Variants in PRKCE observed in about 807,000 individuals in gnomAD.
PRKCE encodes protein kinase C epsilon.
Under a neutral mutation model 85.4 loss-of-function variants are expected in PRKCE, and 16 were observed. That is an observed-to-expected ratio of 0.19 (90% CI 0.13 to 0.28). The LOEUF is 0.28. Ranked by LOEUF, PRKCE falls within the 10% of genes least tolerant of loss-of-function variation. The pLI, the probability that PRKCE is intolerant of heterozygous loss-of-function variation, is 1.00. For synonymous variants in PRKCE, 388 were observed against 371.5 expected, an observed-to-expected ratio of 1.04 and a Z score of -0.51; for missense variants, 573 against 975.2, an observed-to-expected ratio of 0.59 and a Z score of 5.49.
chr2:46,085,995 G>A (rs61758304), intron 10 of PRKCE, among the ~76,000 whole-genome samples: 3,658 of 152,138 alleles, frequency 0.024, 77 homozygotes, highest in Non-Finnish European at 0.035. Context: ...CACCGAAGGC[G>A]GACAGAGAAA....
intron 1 of PRKCE, among the ~76,000 whole-genome samples, chr2:45,827,080 G>C (rs1403847469): frequency 6.6e-6 from 1 of 152,202 alleles, no homozygotes; most frequent in Non-Finnish European, 1.5e-5. Flanking sequence ...CAAAGCCAAA[G>C]CACGTGCCAG....
intron 2 of PRKCE, among the ~76,000 whole-genome samples, chr2:45,926,265 G>T (rs1698607332): frequency 6.6e-6 from 1 of 152,228 alleles, no homozygotes; most frequent in Non-Finnish European, 1.5e-5. Context: ...CAGGGCCATG[G>T]CAAGAGGAAT....
intron 1 of PRKCE, among the ~76,000 whole-genome samples, chr2:45,679,984 G>T (rs1446330835): frequency 1.3e-5 from 2 of 152,214 alleles, no homozygotes; most frequent in Admixed American, 1.3e-4. Flanking sequence ...TCTGGGAAGA[G>T]ATTTAGCACA....
At chr2:45,827,470 T>C (rs571804180) in intron 1 of PRKCE, among the ~76,000 whole-genome samples, 2 of 152,226 alleles carry the variant, frequency 1.3e-5, no homozygotes, top group Non-Finnish European at 2.9e-5. Flanking sequence ...TCTCATTTGT[T>C]GTCCAGCTGT....
intron 1 of PRKCE, among the ~76,000 whole-genome samples, chr2:45,778,759 A>G (rs1391736683): frequency 6.6e-6 from 1 of 152,170 alleles, no homozygotes; most frequent in Non-Finnish European, 1.5e-5. Flanking sequence ...CTCTATTTGC[A>G]TAACAGCAGG....
At chr2:45,717,119 A>C (rs1388123798) in intron 1 of PRKCE, among the ~76,000 whole-genome samples, 1 of 152,202 alleles carries the variant, frequency 6.6e-6, no homozygotes, top group East Asian at 1.9e-4. Context: ...AACCTGTCCA[A>C]GGTCCCTAAG....
At chr2:46,079,981 G>C (rs564393846) in intron 10 of PRKCE, among the ~76,000 whole-genome samples, 2 of 152,130 alleles carry the variant, frequency 1.3e-5, no homozygotes, top group African/African-American at 2.4e-5. Flanking sequence ...TCACAAGACC[G>C]TAACTTTTTA....
intron 2 of PRKCE, among the ~76,000 whole-genome samples, chr2:45,855,627 C>G (rs1352250310): frequency 6.6e-6 from 1 of 152,188 alleles, no homozygotes; most frequent in Non-Finnish European, 1.5e-5. Flanking sequence ...AAGCCCTTGA[C>G]TTTAGGGGAA....
At chr2:45,833,138 C>CAAAAAAAAAAA (rs35838849) in intron 1 of PRKCE, among the ~76,000 whole-genome samples, 1 of 120,188 alleles carries the variant, frequency 8.3e-6, no homozygotes, top group Admixed American at 8.2e-5. Context: ...GGCAACATGG[C>CAAAAAAAAAAA]AAAAAAAAAA....
intron 1 of PRKCE, among the ~76,000 whole-genome samples, chr2:45,829,019 T>C (rs1472673591): frequency 7.4e-5 from 1 of 13,540 alleles, no homozygotes; most frequent in African/African-American, 4.1e-4. Flanking sequence ...TACATATAAT[T>C]CAACAAGTTT....
chr2:45,678,973 A>G (rs17033982), intron 1 of PRKCE, among the ~76,000 whole-genome samples: 5,572 of 152,244 alleles, frequency 0.037, 347 homozygotes, highest in African/African-American at 0.13. Flanking sequence ...TGGTCACGCA[A>G]AAGAAAGGCT....
chr2:45,938,500 G>T (rs535065607), intron 2 of PRKCE, among the ~76,000 whole-genome samples: 1 of 152,162 alleles, frequency 6.6e-6, no homozygotes, highest in Non-Finnish European at 1.5e-5. Flanking sequence ...CCTTGTGTCT[G>T]TGATTGACCT....
chr2:45,859,723 C>G (rs909491222), intron 2 of PRKCE, among the ~76,000 whole-genome samples: 15 of 152,104 alleles, frequency 9.9e-5, no homozygotes, highest in African/African-American at 3.6e-4. Context: ...TCTTTTCATT[C>G]TATGGTTATC....
chr2:45,750,444 T>C (rs1683466320), intron 1 of PRKCE, among the ~76,000 whole-genome samples: 1 of 152,196 alleles, frequency 6.6e-6, no homozygotes, highest in South Asian at 2.1e-4. Context: ...CATACCAAAA[T>C]TTGCGGTCCC....
rs191419102 is a variant in PRKCE, at chr2:46,028,042, C to T, written c.1437+17525C>T. ...CTGCAGCCTCCGCCTCCCGGGTTCA[C>T]GTGATTCTCCTGCCTCAGCCTCCCG... is the stretch of plus-strand genomic sequence containing the variant. On this transcript the variant is annotated intron_variant, in intron 10 of 14. Transcript: ENST00000306156. Among the ~76,000 whole-genome samples, 620 of 151,996 alleles carry T rather than the reference C, an allele frequency of 4.1e-3. 3 individuals are homozygous for T. Among genetic ancestry groups the T allele is most frequent in the Middle Eastern group, 0.02 (6 of 294 alleles).
intron 2 of PRKCE, among the ~76,000 whole-genome samples, chr2:45,943,960 GT>G (rs1313104707): frequency 6.6e-6 from 1 of 152,248 alleles, no homozygotes; most frequent in African/African-American, 2.4e-5. Context: ...TGGTTTTACA[GT>G]TTTGGAAACT....
chr2:46,055,306 C>T (rs893498962), intron 10 of PRKCE, among the ~76,000 whole-genome samples: 1 of 152,252 alleles, frequency 6.6e-6, no homozygotes, highest in African/African-American at 2.4e-5. Context: ...CCTGCACCTG[C>T]TCACCTGTGC....
chr2:45,670,929 C>T (rs979655406), intron 1 of PRKCE, among the ~76,000 whole-genome samples: 2 of 152,216 alleles, frequency 1.3e-5, no homozygotes, highest in Admixed American at 1.3e-4. Context: ...TCTCTTGAAA[C>T]CCCTGCAAGT....
intron 11 of PRKCE, among the ~76,000 whole-genome samples, chr2:46,133,198 A>G (rs180893499): frequency 2.0e-5 from 3 of 152,314 alleles, no homozygotes; most frequent in African/African-American, 7.2e-5. Flanking sequence ...CCAGGCTCCA[A>G]GAACGCCCCC....
Sources: gnomAD v4.1 joint callset for allele counts (sites outside exome capture counted in the v4.1 genomes callset) on GRCh38, gnomAD v4.1.1 for gene constraint, MANE v1.5 for transcripts, NCBI Gene and HGNC (gene_info 2026-07-23, HGNC 2026-07-21) for gene names.